The following SPATS2 variants were observed in gnomAD, a reference collection of about 807,000 sequenced individuals.
SPATS2 encodes spermatogenesis-associated serine-rich protein 2.
In SPATS2, 38 loss-of-function variants were observed where a neutral mutation model predicts 63.7. That is an observed-to-expected ratio of 0.60 (90% CI 0.46 to 0.78). SPATS2 has a LOEUF of 0.78. Among genes scored for constraint, SPATS2 ranks in the 30% least tolerant of loss-of-function variants. SPATS2 has a pLI of 0.00. For missense variants in SPATS2, 588 were observed against 666.2 expected (o/e 0.88, Z 1.29); for synonymous variants, 207 against 232.9 (o/e 0.89, Z 1.01).
chr12:49,395,672 C>A (rs1358258322), intron 2 of SPATS2, among the ~76,000 whole-genome samples: 1 of 151,160 alleles, frequency 6.6e-6, no homozygotes. Flanking sequence ...GTGATCCACC[C>A]GCCTCAGCCT....
rs756778681 is a variant in SPATS2 at position 49,526,293 on chromosome 12, A to G, written c.*38A>G. ...TTGGCCTCTCTCCTCTATCCACACA[A>G]TTCAACTTGATAACTGGACTTTAGG... On this transcript the variant is annotated 3_prime_UTR_variant, in exon 14 of 14. Transcript: ENST00000552918. 1 of 1,542,282 alleles carries G rather than the reference A, an allele frequency of 6.5e-7. No individual in the cohort carries two copies. Among genetic ancestry groups the G allele is most frequent in the Non-Finnish European group, 8.7e-7 (1 of 1,147,224 alleles).
At chr12:49,375,212 A>C (rs1944079249) in intron 2 of SPATS2, among the ~76,000 whole-genome samples, 1 of 147,544 alleles carries the variant, frequency 6.8e-6, no homozygotes, top group South Asian at 2.1e-4. Context: ...AGTGGTCTTT[A>C]GAATTTGCTA....
chr12:49,463,610 A>G (rs752891968), intron 3 of SPATS2: 2 of 152,294 alleles, frequency 1.3e-5, no homozygotes, highest in Admixed American at 6.5e-5. Flanking sequence ...AAATATTACA[A>G]CATTTCATTT....
chr12:49,521,120 T>G (rs1440576068), intron 11 of SPATS2, among the ~76,000 whole-genome samples: 1 of 152,200 alleles, frequency 6.6e-6, no homozygotes, highest in East Asian at 1.9e-4. Context: ...TCTAAATAAT[T>G]GCTTATAAAC....
chr12:49,439,985 CA>C (rs1945387359), intron 2 of SPATS2, among the ~76,000 whole-genome samples: 2 of 152,098 alleles, frequency 1.3e-5, no homozygotes, highest in Non-Finnish European at 2.9e-5. Context: ...GTTTATGCAG[CA>C]ATAGGTTTTT....
chr12:49,500,917 C>T (rs1489494134), intron 9 of SPATS2, among the ~76,000 whole-genome samples: 2 of 152,064 alleles, frequency 1.3e-5, no homozygotes, highest in Non-Finnish European at 2.9e-5. Context: ...ATTTATGCCA[C>T]TCCAATAAAG....
Position 49,526,570 on chromosome 12 carries a change from G to C in SPATS2, c.*315G>C, listed in dbSNP as rs927170602. The C allele has an allele frequency of 3.1e-5, 10 of 320,158 alleles. No individual in the cohort carries two copies. Among genetic ancestry groups the C allele is most frequent in the African/African-American group, 1.5e-4 (7 of 46,234 alleles). 19.8% of individuals were successfully genotyped at this position (320,158 alleles called of 1,614,324 possible). A position where few individuals can be genotyped will look rare whatever the true frequency, so the allele number is the denominator to read the frequency against. ...CTCCACTGTCCAGGCTGTCTCAGGAGGAGGTGAATCAGAGCTAGTCTGTCA... is the reference window on the plus strand; with the variant it reads ...CTCCACTGTCCAGGCTGTCTCAGGACGAGGTGAATCAGAGCTAGTCTGTCA... On this transcript the variant is annotated 3_prime_UTR_variant, in exon 14 of 14. Coordinates refer to ENST00000552918, the MANE Select transcript of SPATS2 (RefSeq NM_023071.4).
chr12:49,468,845 A>G (rs1298598041), intron 3 of SPATS2, among the ~76,000 whole-genome samples: 1 of 152,170 alleles, frequency 6.6e-6, no homozygotes, highest in Non-Finnish European at 1.5e-5. Context: ...GTAATGTGGT[A>G]TAATTATTTT....
chr12:49,390,610 A>G (rs1487628330), intron 2 of SPATS2, among the ~76,000 whole-genome samples: 1 of 152,232 alleles, frequency 6.6e-6, no homozygotes, highest in East Asian at 1.9e-4. Context: ...TTTATGTACC[A>G]TGAGACTTCA....
intron 3 of SPATS2, among the ~76,000 whole-genome samples, chr12:49,466,812 A>G (rs994347454): frequency 6.6e-5 from 10 of 152,148 alleles, no homozygotes; most frequent in Non-Finnish European, 1.3e-4. Flanking sequence ...TTAGAATCAG[A>G]TTGTCAGTTC....
intron 2 of SPATS2, among the ~76,000 whole-genome samples, chr12:49,397,451 A>G (rs1343665550): frequency 6.6e-6 from 1 of 152,190 alleles, no homozygotes; most frequent in African/African-American, 2.4e-5. Flanking sequence ...AAGCTAGGAA[A>G]GTGCAGGACA....
intron 9 of SPATS2, among the ~76,000 whole-genome samples, chr12:49,504,770 C>CTTTCTTTTTTTTTTTTTTTTTTTTTT (rs1220484266): frequency 1.0e-5 from 1 of 98,860 alleles, no homozygotes; most frequent in African/African-American, 3.8e-5. Context: ...TTCTTTCTTT[C>CTTTCTTTTTTTTTTTTTTTTTTTTTT]TTTTTTTTTT....
intron 2 of SPATS2, among the ~76,000 whole-genome samples, chr12:49,402,311 C>T (rs1004546398): frequency 2.0e-5 from 3 of 152,082 alleles, no homozygotes; most frequent in Non-Finnish European, 4.4e-5. Flanking sequence ...AATGATGGAC[C>T]TTGAACTTGA....
chr12:49,514,467 C>G, intron 9 of SPATS2, 88 bp from the exon 10 acceptor site: 1 of 1,233,396 alleles, frequency 8.1e-7, no homozygotes, highest in Admixed American at 2.1e-5. Flanking sequence ...CAAACAAACT[C>G]ACTGGTCTTT....
At chr12:49,516,152 AAAAAAAAAAAAAAAATATATATATAT>A (rs1946837033) in intron 10 of SPATS2, among the ~76,000 whole-genome samples, 1 of 41,416 alleles carries the variant, frequency 2.4e-5, no homozygotes, top group African/African-American at 1.0e-4. Flanking sequence ...AAAAAAAAAA[AAAAAAAAAAAAAAAATATATATATAT>A]ATATATATAT....
chr12:49,378,261 G>GTTTAT (rs199537085), intron 2 of SPATS2, among the ~76,000 whole-genome samples: 11,851 of 144,172 alleles, frequency 0.082, 626 homozygotes, highest in African/African-American at 0.12. Flanking sequence ...TTGAGTTAAT[G>GTTTAT]TTTATTTTAT....
chr12:49,473,157 A>G (rs1036316068), intron 3 of SPATS2, among the ~76,000 whole-genome samples: 23 of 151,122 alleles, frequency 1.5e-4, no homozygotes, highest in African/African-American at 5.6e-4. Context: ...GCTCATGCCT[A>G]TAATCCCAGC....
At chr12:49,472,610 T>TA (rs1463147130) in intron 3 of SPATS2, among the ~76,000 whole-genome samples, 291 of 131,772 alleles carry the variant, frequency 2.2e-3, no homozygotes, top group African/African-American at 8.8e-3. Flanking sequence ...TTTTATATAT[T>TA]TTATATATAT....
chr12:49,442,143 T>C (rs1945430249), intron 2 of SPATS2, among the ~76,000 whole-genome samples: 1 of 152,176 alleles, frequency 6.6e-6, no homozygotes, highest in Admixed American at 6.5e-5. Context: ...ACACCCAAGA[T>C]AGTCAAAGCT....
Sources: allele counts gnomAD v4.1 joint callset (sites outside exome capture counted in the v4.1 genomes callset), GRCh38; gene constraint gnomAD v4.1.1; transcripts MANE v1.5; gene names NCBI Gene and HGNC (gene_info 2026-07-23, HGNC 2026-07-21).